The following DDX50 variants were observed in gnomAD, a reference collection of about 807,000 sequenced individuals.
The protein encoded by DDX50 is DExD-box helicase 50, also known as ATP-dependent RNA helicase DDX50.
A neutral mutation model predicts 94.8 loss-of-function variants in DDX50; 56 were observed. That is an observed-to-expected ratio of 0.59 (90% CI 0.48 to 0.74). DDX50 has a LOEUF of 0.74. Ranked by LOEUF, DDX50 falls within the 30% of genes least tolerant of loss-of-function variation. The pLI, the probability that DDX50 is intolerant of heterozygous loss-of-function variation, is 0.00. For missense variants in DDX50, 713 were observed against 881.2 expected (o/e 0.81, Z 2.42); for synonymous variants, 264 against 295.4 (o/e 0.89, Z 1.09).
At chr10:68,937,806 A>C (rs1842462383) in intron 12 of DDX50, among the ~76,000 whole-genome samples, 1 of 152,016 alleles carries the variant, frequency 6.6e-6, no homozygotes, top group African/African-American at 2.4e-5. Flanking sequence ...GGCTGGTCTC[A>C]AACTCCTGAC....
chr10:68,936,078 A>C lies in DDX50; in HGVS notation c.1594A>C (p.Arg532=), dbSNP rs1842399917. Residue 532 remains arginine (R), a splice_region_variant and synonymous_variant, in exon 11 of 15, where the codon AGG becomes CGG. Coordinates refer to ENST00000373585, the MANE Select transcript of DDX50 (RefSeq NM_024045.2). The stretch of plus-strand genomic sequence containing the variant: ...TAAATCTAAAAGCATGGATGCCATC[A>C]GGTATGCTTTCTGAACTTGCTGAAT... ...LVKSKSMDAI[R]SLASVSYAAV... is the part of the protein sequence containing the mutation. 1 of 1,608,214 alleles carries C rather than the reference A, an allele frequency of 6.2e-7. No individual in the cohort carries two copies. The highest frequency in any genetic ancestry group is 1.7e-5 in the Admixed American group (1 of 59,404).
chr10:68,942,881 A>G (rs1842585456), intron 13 of DDX50, among the ~76,000 whole-genome samples: 1 of 152,130 alleles, frequency 6.6e-6, no homozygotes, highest in African/African-American at 2.4e-5. Flanking sequence ...TTGGCCTCCC[A>G]AAGTGCTGGG....
At chr10:68,912,307 G>C (rs2132027713) in intron 4 of DDX50, among the ~76,000 whole-genome samples, 1 of 152,140 alleles carries the variant, frequency 6.6e-6, no homozygotes, top group East Asian at 1.9e-4. Context: ...GAACTCCTGG[G>C]CTCAAGCAAT....
At chr10:68,904,455 A>G (rs1322749448) in intron 1 of DDX50, among the ~76,000 whole-genome samples, 2 of 152,230 alleles carry the variant, frequency 1.3e-5, no homozygotes, top group East Asian at 3.8e-4. Flanking sequence ...GTATTGAGCC[A>G]TGAAAATAGT....
intron 14 of DDX50, among the ~76,000 whole-genome samples, chr10:68,946,101 GTATT>G (rs1391188598): frequency 9.2e-5 from 14 of 151,966 alleles, no homozygotes; most frequent in Admixed American, 2.0e-4. Context: ...TTTATAGAAT[GTATT>G]TAATTAGTAC....
chr10:68,925,504 G>C (rs1842061076), intron 8 of DDX50, among the ~76,000 whole-genome samples: 2 of 152,108 alleles, frequency 1.3e-5, no homozygotes, highest in South Asian at 4.1e-4. Context: ...TAGTTGATGT[G>C]TGTTATGTGG....
Position 68,934,776 on chromosome 10 carries a change from AT to A in DDX50, c.1402-22del, listed in dbSNP as rs763041041. The A allele has an allele frequency of 3.8e-6, 6 of 1,572,074 alleles. No individual in the cohort carries two copies. The highest frequency in any genetic ancestry group is 1.2e-5 in the South Asian group (1 of 80,652). The stretch of plus-strand genomic sequence containing the variant: ...CTGCAACTTGCTAGATTTTTAAAAA[AT>A]ATTACCTTTTATAATCTTTAGGATG... On this transcript the variant is annotated intron_variant, in intron 9 of 14. Coordinates refer to ENST00000373585, the MANE Select transcript of DDX50 (RefSeq NM_024045.2). The surrounding 1 kb of genome is among the most constrained non-coding windows in gnomAD (Gnocchi z 4.0).
intron 1 of DDX50, 86 bp downstream of exon 1, chr10:68,901,557 C>G: frequency 1.4e-6 from 2 of 1,390,372 alleles, no homozygotes; most frequent in South Asian, 1.4e-5. Context: ...GATGGCCTGT[C>G]AGAACCGGGC....
chr10:68,928,271 A>G lies in DDX50; in HGVS notation c.1240-5928A>G, dbSNP rs556307139. Reference sequence around the variant, plus strand: ...GTCGAGGCTACAGTGAGCAATGATCATGCCACTGCACTCCACCCTGGGCGA... The same window carrying G: ...GTCGAGGCTACAGTGAGCAATGATCGTGCCACTGCACTCCACCCTGGGCGA... On this transcript the variant is annotated intron_variant, in intron 8 of 14. Coordinates refer to ENST00000373585, the MANE Select transcript of DDX50 (RefSeq NM_024045.2). Among the ~76,000 whole-genome samples the G allele has an allele frequency of 2.0e-5, 3 of 152,270 alleles. No individual in the cohort carries two copies. In the East Asian group the frequency reaches 5.8e-4, roughly 29 times the overall value.
At chr10:68,902,353 A>AT (rs756039449) in intron 1 of DDX50, among the ~76,000 whole-genome samples, 11 of 152,220 alleles carry the variant, frequency 7.2e-5, no homozygotes, top group Non-Finnish European at 1.0e-4. Flanking sequence ...GAAGGCTGAC[A>AT]TTCGACAAAA....
intron 14 of DDX50, among the ~76,000 whole-genome samples, chr10:68,943,499 T>A (rs1842597739): frequency 6.6e-6 from 1 of 152,198 alleles, no homozygotes; most frequent in African/African-American, 2.4e-5. Flanking sequence ...TGGGCTCAAG[T>A]GATCCTCCCA....
intron 13 of DDX50, among the ~76,000 whole-genome samples, chr10:68,941,670 A>T (rs1309685655): frequency 6.6e-6 from 1 of 150,752 alleles, no homozygotes; most frequent in African/African-American, 2.4e-5. Flanking sequence ...ACAGAGTTTC[A>T]CTCTTGTCGC....
intron 13 of DDX50, among the ~76,000 whole-genome samples, chr10:68,942,446 T>C (rs938384777): frequency 1.3e-4 from 20 of 152,040 alleles, no homozygotes; most frequent in African/African-American, 4.6e-4. Context: ...GAGACAAATA[T>C]ATACTTTCAG....
At position 68,934,889 on chromosome 10, in the gene DDX50, G is replaced by A; in HGVS notation, c.1492G>A (p.Gly498Ser). The change falls in exon 10 of 15, where the codon GGT (glycine) becomes AGT (serine). Residue 498 changes from glycine to serine, a missense_variant. This residue lies in a region of DDX50 where 428 missense variants were observed against 602.3 expected (regional missense o/e 0.71). Coordinates refer to ENST00000373585, the MANE Select transcript of DDX50 (RefSeq NM_024045.2). The surrounding 1 kb of genome is among the most constrained non-coding windows in gnomAD (Gnocchi z 4.0). ...CICFYQPRERGQLRYVEQKAG... is the reference protein window; with the variant it reads ...CICFYQPRERSQLRYVEQKAG... ...ATGTTTTTATCAACCAAGAGAAAGA[G>A]GTCAACTAAGATATGTGGAACAAAA... 1 of 1,612,836 alleles carries A rather than the reference G, an allele frequency of 6.2e-7. No homozygotes were observed. The highest frequency in any genetic ancestry group is 2.2e-5 in the East Asian group (1 of 44,770).
Position 68,901,390 on chromosome 10 carries a change from TG to T in DDX50, c.9del (p.Lys4AsnfsTer63). 1 of 1,550,652 alleles carries T rather than the reference TG, an allele frequency of 6.4e-7. No homozygotes were observed. The highest frequency in any genetic ancestry group is 8.7e-7 in the Non-Finnish European group (1 of 1,148,126). On this transcript the variant is annotated frameshift_variant, in exon 1 of 15. Coordinates refer to ENST00000373585, the MANE Select transcript of DDX50 (RefSeq NM_024045.2). LOFTEE classifies it high-confidence loss of function. ...GGAGGCGGCGGTGGCCAGTAATGCC[TG>T]GGAAACTCCTCTGGGGGGACATTAT... is the stretch of plus-strand genomic sequence containing the variant. MP[G>X]KLLWGDIMEL...
At chr10:68,909,706 C>T (rs576691318) in intron 2 of DDX50, among the ~76,000 whole-genome samples, 32 of 152,002 alleles carry the variant, frequency 2.1e-4, no homozygotes, top group South Asian at 2.1e-4. Flanking sequence ...CTTGTTGCCC[C>T]GGCTGGAGTG....
At chr10:68,909,787 C>T (rs1295433524) in intron 2 of DDX50, among the ~76,000 whole-genome samples, 6 of 152,066 alleles carry the variant, frequency 3.9e-5, no homozygotes, top group East Asian at 1.9e-4. Context: ...CTCAGCCTCC[C>T]GAGTAGCTGG....
chr10:68,916,295 G>A (rs1460923747), intron 7 of DDX50, among the ~76,000 whole-genome samples: 2 of 150,076 alleles, frequency 1.3e-5, no homozygotes, highest in Non-Finnish European at 3.0e-5. Flanking sequence ...TGATAGTTGC[G>A]GTGAGCTGAG....
intron 1 of DDX50, among the ~76,000 whole-genome samples, chr10:68,905,214 G>C (rs938286848): frequency 2.0e-5 from 3 of 152,140 alleles, no homozygotes; most frequent in African/African-American, 4.8e-5. Context: ...ACCACGGCTA[G>C]CCACCAGGCT....
Sources: gnomAD v4.1 joint callset for allele counts (sites outside exome capture counted in the v4.1 genomes callset) on GRCh38, gnomAD v4.1.1 for gene constraint, gnomAD v4.1.1 regional missense constraint, Gnocchi (gnomAD v3.1) non-coding constraint, MANE v1.5 for transcripts, NCBI Gene and HGNC (gene_info 2026-07-23, HGNC 2026-07-21) for gene names.